Variants in NCOA2 observed in about 807,000 individuals in gnomAD.
NCOA2 encodes class E basic helix-loop-helix protein 75.
Under a neutral mutation model 145.1 loss-of-function variants are expected in NCOA2, and 21 were observed. That is an observed-to-expected ratio of 0.14 (90% CI 0.10 to 0.21). The LOEUF is 0.21. Among genes scored for constraint, NCOA2 ranks in the 10% least tolerant of loss-of-function variants. The probability of loss-of-function intolerance (pLI) is 1.00; values close to 1 mark genes in which losing one functional copy is unlikely to be tolerated. For missense variants in NCOA2, 1,472 were observed against 1,837.6 expected (o/e 0.80, Z 3.64); for synonymous variants, 619 against 637.5 (o/e 0.97, Z 0.44).
At chr8:70,220,656 C>T (rs1160031677) in intron 2 of NCOA2, among the ~76,000 whole-genome samples, 1 of 152,108 alleles carries the variant, frequency 6.6e-6, no homozygotes, top group Non-Finnish European at 1.5e-5. Context: ...AAATGTTAAA[C>T]CTCAACACAA....
At chr8:70,141,483 CA>C (rs1810423265) in intron 13 of NCOA2, 84 bp from the exon 14 acceptor site, 1 of 1,224,846 alleles carries the variant, frequency 8.2e-7, no homozygotes, top group Non-Finnish European at 1.2e-6. Flanking sequence ...TCTTACCCTA[CA>C]AAACAATCAT....
In NCOA2 at chr8:70,113,240, C is replaced by T. The variant is rs1195817948; in HGVS notation, c.*392G>A. On this transcript the variant is annotated 3_prime_UTR_variant, in exon 23 of 23. Transcript: ENST00000452400. ...AGACTGTTAGCCAGGGAAAACAAAGCAAGAAACCAGTGTCTGGAACCGAAC... is the reference window on the plus strand; with the variant it reads ...AGACTGTTAGCCAGGGAAAACAAAGTAAGAAACCAGTGTCTGGAACCGAAC... 1.1e-5 allele frequency: 3 copies of T among 265,722 alleles called. No individual in the cohort carries two copies. The highest frequency in any genetic ancestry group is 6.5e-5 in the African/African-American group (3 of 46,308). 16.5% of individuals were successfully genotyped at this position (265,722 alleles called of 1,614,324 possible). A position where few individuals can be genotyped will look rare whatever the true frequency, so the allele number is the denominator to read the frequency against.
intron 1 of NCOA2, among the ~76,000 whole-genome samples, chr8:70,345,393 C>T (rs576085367): frequency 5.3e-5 from 8 of 152,320 alleles, no homozygotes; most frequent in South Asian, 2.1e-4. Context: ...CACATCCACT[C>T]AACAACTGAC....
Position 70,309,954 on chromosome 8 carries a change from A to AAAAC in NCOA2, c.-76-13158_-76-13155dup, listed in dbSNP as rs551949811. On this transcript the variant is annotated intron_variant, in intron 1 of 22. Transcript: ENST00000452400. Reference sequence around the variant, plus strand: ...GGAGACAGAGCAAGACCCTGTCTCGAAAACAAACAAACAAACAAACAAAAA... The same window carrying AAAAC: ...GGAGACAGAGCAAGACCCTGTCTCGAAAACAAACAAACAAACAAACAAACAAAAA... Among the ~76,000 whole-genome samples, 13 of 151,710 alleles carry AAAAC rather than the reference A, an allele frequency of 8.6e-5. No homozygotes were observed. In the East Asian group the frequency reaches 9.7e-4, roughly 11 times the overall value.
chr8:70,376,977 C>G (rs147453387), intron 1 of NCOA2, among the ~76,000 whole-genome samples: 1 of 152,144 alleles, frequency 6.6e-6, no homozygotes, highest in Non-Finnish European at 1.5e-5. Context: ...AACACATGAT[C>G]ATCAATCTAA....
chr8:70,131,949 T>C lies in NCOA2; in HGVS notation c.3212A>G (p.Glu1071Gly), dbSNP rs776790458. 1.2e-6 allele frequency: 2 copies of C among 1,611,790 alleles called. No individual in the cohort carries two copies. Among genetic ancestry groups the C allele is most frequent in the Non-Finnish European group, 1.7e-6 (2 of 1,179,108 alleles). ...GAGAGCTCCCTCATCACTCGGAGAC[T>C]CAGCTGCAGGATGTGGACATAGCAA... ...DDLLCPHPAA[E>G]SPSDEGALLD... The change falls in exon 16 of 23, where the codon GAG becomes GGG. Residue 1071 changes from glutamate (E) to glycine (G), a missense_variant. Transcript: ENST00000452400.
chr8:70,338,186 G>A (rs570368997), intron 1 of NCOA2, among the ~76,000 whole-genome samples: 1 of 152,072 alleles, frequency 6.6e-6, no homozygotes, highest in Non-Finnish European at 1.5e-5. Context: ...AAAATGGATA[G>A]ACTGCTAGCT....
intron 16 of NCOA2, among the ~76,000 whole-genome samples, chr8:70,129,911 C>T (rs1398294810): frequency 1.3e-5 from 2 of 152,248 alleles, no homozygotes; most frequent in Non-Finnish European, 2.9e-5. Context: ...CTCAGGTGAT[C>T]TGCCCGTTTC....
chr8:70,271,962 T>C (rs59759481), intron 2 of NCOA2, among the ~76,000 whole-genome samples: 3,071 of 151,392 alleles, frequency 0.02, 125 homozygotes, highest in African/African-American at 0.07. Flanking sequence ...TCCCAGTAAA[T>C]TGAATAAAGA....
At chr8:70,177,245 A>T (rs1164433630) in intron 4 of NCOA2, among the ~76,000 whole-genome samples, 1 of 152,210 alleles carries the variant, frequency 6.6e-6, no homozygotes, top group Non-Finnish European at 1.5e-5. Context: ...ACAGCTTGAA[A>T]GGTCTGCTTT....
At chr8:70,211,062 C>A (rs1028611414) in intron 4 of NCOA2, among the ~76,000 whole-genome samples, 12 of 152,302 alleles carry the variant, frequency 7.9e-5, no homozygotes, top group African/African-American at 2.9e-4. Context: ...GTTGTTCTTA[C>A]TGGCTGTCAG....
chr8:70,166,844 GATT>G (rs1477355128), intron 6 of NCOA2, 90 bp from the exon 7 acceptor site: 5 of 1,200,038 alleles, frequency 4.2e-6, no homozygotes, highest in Non-Finnish European at 5.9e-6. Context: ...GGAAAAATAT[GATT>G]ATTTCATCTT....
At chr8:70,386,022 C>T (rs924489717) in intron 1 of NCOA2, among the ~76,000 whole-genome samples, 3 of 152,158 alleles carry the variant, frequency 2.0e-5, no homozygotes, top group Non-Finnish European at 4.4e-5. Context: ...CCAAACAGTA[C>T]GTGCAGACTG....
chr8:70,324,106 CAT>C (rs775526793), intron 1 of NCOA2, among the ~76,000 whole-genome samples: 22 of 152,266 alleles, frequency 1.4e-4, no homozygotes, highest in South Asian at 4.1e-4. Flanking sequence ...CTAGGATACA[CAT>C]GTTAGGATAA....
chr8:70,202,348 A>T (rs1817979819), intron 4 of NCOA2, among the ~76,000 whole-genome samples: 1 of 152,242 alleles, frequency 6.6e-6, no homozygotes, highest in Non-Finnish European at 1.5e-5. Context: ...GTATATACCC[A>T]AAAGAATTGA....
At chr8:70,151,934 T>C (rs1032393772) in intron 11 of NCOA2, among the ~76,000 whole-genome samples, 1 of 152,184 alleles carries the variant, frequency 6.6e-6, no homozygotes, top group Admixed American at 6.5e-5. Context: ...AAGGAATAAA[T>C]TTGATCACAT....
chr8:70,266,373 C>T (rs1424141889), intron 2 of NCOA2, among the ~76,000 whole-genome samples: 2 of 152,198 alleles, frequency 1.3e-5, no homozygotes, highest in East Asian at 1.9e-4. Flanking sequence ...GGTAATGTCA[C>T]TTGTTAGCTC....
Position 70,163,561 on chromosome 8 carries a change from G to A in NCOA2, c.736C>T (p.Gln246Ter). 6.2e-7 allele frequency: 1 copy of A among 1,612,736 alleles called. No individual in the cohort carries two copies. Among genetic ancestry groups the A allele is most frequent in the Non-Finnish European group, 8.5e-7 (1 of 1,178,896 alleles). ...KSIKEEGEDLQSCLICVARRV... is the reference protein window; with the variant it reads ...KSIKEEGEDL ...CTTGCCACGCAAATCAAGCAGGACT[G>A]CAAATCTTAAACCACACATGTTTAC... The change falls in exon 8 of 23, where the codon CAG (glutamine) becomes TAG (stop). Residue 246 changes from glutamine (Q) to a stop codon, truncating the protein, a stop_gained. Transcript: ENST00000452400. LOFTEE classifies it high-confidence loss of function.
At chr8:70,337,198 G>GGAGTGTGT (rs1213189344) in intron 1 of NCOA2, among the ~76,000 whole-genome samples, 1 of 134,608 alleles carries the variant, frequency 7.4e-6, no homozygotes, top group Non-Finnish European at 1.5e-5. Flanking sequence ...GCACTGCTGA[G>GGAGTGTGT]GAGTGTGTGT....
Sources: allele counts gnomAD v4.1 joint callset (sites outside exome capture counted in the v4.1 genomes callset), GRCh38; gene constraint gnomAD v4.1.1; transcripts MANE v1.5; gene names NCBI Gene and HGNC (gene_info 2026-07-23, HGNC 2026-07-21).